Variants in IQSEC1 observed in about 807,000 individuals in gnomAD.
The protein encoded by IQSEC1 is IQ motif and Sec7 domain ArfGEF 1, also known as IQ motif and SEC7 domain-containing protein 1.
A neutral mutation model predicts 91.0 loss-of-function variants in IQSEC1; 31 were observed. The ratio of observed to expected loss-of-function variants is 0.34; its 90% confidence interval spans 0.26 to 0.46. The LOEUF (loss-of-function observed/expected upper bound fraction) is 0.46, where lower values mean the gene tolerates loss of function less well. Among genes scored for constraint, IQSEC1 ranks in the 20% least tolerant of loss-of-function variants. The pLI is 1.00. For missense variants in IQSEC1, 1,388 were observed against 1,575.6 expected (o/e 0.88, Z 2.02); for synonymous variants, 699 against 662.6 (o/e 1.05, Z -0.84).
chr3:13,013,646 T>C (rs1438593259), intron 1 of IQSEC1, among the ~76,000 whole-genome samples: 1 of 152,186 alleles, frequency 6.6e-6, no homozygotes, highest in Non-Finnish European at 1.5e-5. Flanking sequence ...TCACAGAACA[T>C]GTCATCCCCA....
chr3:13,038,291 T>TATATATATAC (rs1576200707), intron 1 of IQSEC1, among the ~76,000 whole-genome samples: 1 of 118,696 alleles, frequency 8.4e-6, no homozygotes, highest in East Asian at 2.3e-4. Flanking sequence ...TATATATATA[T>TATATATATAC]ATATATAAAA....
chr3:12,986,753 G>A (rs1701756227), intron 1 of IQSEC1, among the ~76,000 whole-genome samples: 2 of 152,204 alleles, frequency 1.3e-5, no homozygotes, highest in African/African-American at 2.4e-5. Context: ...GAGGAGCTGG[G>A]ACGAGAACCA....
intron 1 of IQSEC1, among the ~76,000 whole-genome samples, chr3:13,262,266 A>T (rs1242165157): frequency 6.6e-6 from 1 of 152,242 alleles, no homozygotes; most frequent in Admixed American, 6.5e-5. Flanking sequence ...CCTCAGCAGG[A>T]TGAAGACCTT....
At chr3:13,156,062 T>C (rs1329658879) in intron 2 of IQSEC1, among the ~76,000 whole-genome samples, 1 of 34,020 alleles carries the variant, frequency 2.9e-5, no homozygotes. Context: ...CTACTAAAAA[T>C]ACAAAAAAAA....
At chr3:13,198,869 C>T (rs949678606) in intron 1 of IQSEC1, among the ~76,000 whole-genome samples, 2 of 152,208 alleles carry the variant, frequency 1.3e-5, no homozygotes, top group African/African-American at 4.8e-5. Context: ...AAGCAGAATC[C>T]CACACTTTCT....
chr3:13,120,634 G>A (rs1480523564), intron 2 of IQSEC1, among the ~76,000 whole-genome samples: 1 of 152,240 alleles, frequency 6.6e-6, no homozygotes, highest in Non-Finnish European at 1.5e-5. Context: ...TCTGAGATGG[G>A]ACTGAATAGA....
chr3:13,085,362 T>A (rs1705717567), intron 2 of IQSEC1, among the ~76,000 whole-genome samples: 1 of 152,042 alleles, frequency 6.6e-6, no homozygotes, highest in African/African-American at 2.4e-5. Flanking sequence ...GTGAGATCCT[T>A]GTCATGGGAA....
At chr3:13,148,011 G>A (rs1283122271) in intron 2 of IQSEC1, among the ~76,000 whole-genome samples, 1 of 152,184 alleles carries the variant, frequency 6.6e-6, no homozygotes, top group Non-Finnish European at 1.5e-5. Context: ...TCCAATGGTA[G>A]ATCTACTTTT....
At chr3:12,906,094 A>G (rs933289927) in intron 12 of IQSEC1, among the ~76,000 whole-genome samples, 1 of 152,138 alleles carries the variant, frequency 6.6e-6, no homozygotes, top group Non-Finnish European at 1.5e-5. Flanking sequence ...GGCACCATCT[A>G]CGGCCACTTC....
chr3:13,159,377 C>T (rs150846964), intron 2 of IQSEC1, among the ~76,000 whole-genome samples: 28 of 152,088 alleles, frequency 1.8e-4, no homozygotes, highest in Non-Finnish European at 3.2e-4. Flanking sequence ...TACAGTGAGC[C>T]GAGATCACGT....
At chr3:13,267,173 G>A (rs150633677) in intron 1 of IQSEC1, among the ~76,000 whole-genome samples, 204 of 152,218 alleles carry the variant, frequency 1.3e-3, no homozygotes, top group Non-Finnish European at 2.4e-3. Context: ...AAAGCTCCTC[G>A]CCTCTCCAAC....
chr3:13,262,888 G>A (rs1381438275), intron 1 of IQSEC1, among the ~76,000 whole-genome samples: 1 of 152,178 alleles, frequency 6.6e-6, no homozygotes, highest in East Asian at 1.9e-4. Context: ...AAGTGGCTGG[G>A]GGAGGGGAGG....
In IQSEC1 at chr3:13,154,434, C is replaced by CATATATATACATATATATATATATAT. The variant is rs1351159624; in HGVS notation, c.302+9669_302+9670insATATATATATATATATGTATATATAT. On this transcript the variant is annotated intron_variant, in intron 2 of 15. Coordinates refer to the IQSEC1 transcript ENST00000648114. ...AAACACACCAGGAAGCTGGAACTTA[C>CATATATATACATATATATATATATAT]ATGCATATATATATATATATATATA... is the stretch of plus-strand genomic sequence containing the variant. 6.8e-5 allele frequency among the ~76,000 whole-genome samples: 2 copies of CATATATATACATATATATATATATAT among 29,306 alleles called. 1 individual carries two copies. The highest frequency in any genetic ancestry group is 1.5e-4 in the Non-Finnish European group (2 of 13,678). The allele number at this position is 29,306 out of a possible 152,430, so 19.2% of individuals were successfully genotyped here.
At position 13,193,213 on chromosome 3, in the gene IQSEC1, CCT is replaced by C. The variant is rs1694066788; in HGVS notation, c.273-29082_273-29081del. 6.6e-6 allele frequency among the ~76,000 whole-genome samples: 1 copy of C among 152,204 alleles called. No individual in the cohort carries two copies. Among genetic ancestry groups the C allele is most frequent in the Non-Finnish European group, 1.5e-5 (1 of 68,034 alleles). On this transcript the variant is annotated intron_variant, in intron 1 of 15. Coordinates refer to the IQSEC1 transcript ENST00000648114. The surrounding 1 kb of genome is among the most constrained non-coding windows in gnomAD (Gnocchi z 4.2). ...CGGACTCTCATGGGCATCTCTGCTC[CCT>C]GTCGCCCACCAGCTCCCTCTCTGCC...
At chr3:13,050,825 A>G (rs906503203) in intron 1 of IQSEC1, among the ~76,000 whole-genome samples, 6 of 152,252 alleles carry the variant, frequency 3.9e-5, no homozygotes, top group African/African-American at 1.4e-4. Context: ...ATGATATTCA[A>G]TATACCTTAT....
At chr3:13,197,950 G>A (rs1360900077) in intron 1 of IQSEC1, among the ~76,000 whole-genome samples, 1 of 152,234 alleles carries the variant, frequency 6.6e-6, no homozygotes, top group Non-Finnish European at 1.5e-5. Context: ...CCCGCGGCTT[G>A]GATGTGTGTG....
intron 2 of IQSEC1, among the ~76,000 whole-genome samples, chr3:13,085,810 G>A (rs544140952): frequency 1.7e-4 from 26 of 152,354 alleles, no homozygotes; most frequent in Non-Finnish European, 3.4e-4. Flanking sequence ...TGTGGTTATC[G>A]GCCAATGCGA....
intron 1 of IQSEC1, among the ~76,000 whole-genome samples, chr3:13,167,505 C>A (rs532515566): frequency 6.6e-6 from 1 of 152,104 alleles, no homozygotes; most frequent in Non-Finnish European, 1.5e-5. Context: ...GAAGTCTGCA[C>A]GCATCAGCCT....
chr3:13,196,866 C>G (rs2125042878), intron 1 of IQSEC1, among the ~76,000 whole-genome samples: 1 of 152,150 alleles, frequency 6.6e-6, no homozygotes, highest in East Asian at 1.9e-4. Flanking sequence ...CCTTGTCTCT[C>G]AGGCCACACA....
Sources: allele counts gnomAD v4.1 joint callset (sites outside exome capture counted in the v4.1 genomes callset), GRCh38; gene constraint gnomAD v4.1.1; non-coding constraint Gnocchi (gnomAD v3.1); transcripts MANE v1.5; gene names NCBI Gene and HGNC (gene_info 2026-07-23, HGNC 2026-07-21).